The following SLC39A11 variants were observed in gnomAD, a reference collection of about 807,000 sequenced individuals.
SLC39A11 encodes the protein solute carrier family 39 member 11, also known as zinc transporter ZIP11.
SLC39A11 carries 33 observed loss-of-function variants against 36.1 expected under a neutral mutation model. That is an observed-to-expected ratio of 0.91 (90% CI 0.69 to 1.22). The LOEUF is 1.22. Ranked by LOEUF, SLC39A11 falls within the 50% of genes most tolerant of loss-of-function variation. The pLI is 0.00. For missense variants in SLC39A11, 432 were observed against 430.3 expected, an observed-to-expected ratio of 1.00 and a Z score of -0.03; for synonymous variants, 166 against 170.3, an observed-to-expected ratio of 0.97 and a Z score of 0.20.
intron 7 of SLC39A11, among the ~76,000 whole-genome samples, chr17:72,719,619 G>A (rs899753116): frequency 1.3e-5 from 2 of 152,214 alleles, no homozygotes; most frequent in Non-Finnish European, 2.9e-5. Flanking sequence ...CAGTGGGAAC[G>A]GAGAAGAGAA....
At chr17:72,990,540 T>A (rs2148286424) in intron 4 of SLC39A11, among the ~76,000 whole-genome samples, 1 of 152,190 alleles carries the variant, frequency 6.6e-6, no homozygotes, top group Non-Finnish European at 1.5e-5. Context: ...GCCTCAGCCC[T>A]CAGCCTCGCG....
At chr17:72,812,173 G>T (rs1412386974) in intron 6 of SLC39A11, among the ~76,000 whole-genome samples, 1 of 152,158 alleles carries the variant, frequency 6.6e-6, no homozygotes, top group Admixed American at 6.5e-5. Context: ...TATTATGCTT[G>T]GAGAGAAAGC....
At chr17:73,050,939 C>T (rs538937002) in intron 3 of SLC39A11, among the ~76,000 whole-genome samples, 1 of 81,228 alleles carries the variant, frequency 1.2e-5, no homozygotes, top group African/African-American at 4.3e-5. Context: ...GGAGGGATTA[C>T]AGGGCTTGTC....
intron 6 of SLC39A11, among the ~76,000 whole-genome samples, chr17:72,773,675 ACACC>A (rs1044571882): frequency 9.4e-5 from 14 of 148,790 alleles, no homozygotes; most frequent in African/African-American, 3.1e-4. Context: ...ACACACACAC[ACACC>A]CAGTATATAA....
At chr17:72,688,980 A>T (rs2071886249) in intron 7 of SLC39A11, among the ~76,000 whole-genome samples, 1 of 152,120 alleles carries the variant, frequency 6.6e-6, no homozygotes, top group Non-Finnish European at 1.5e-5. Flanking sequence ...TCCCCAAGAC[A>T]ACTGGTGTTC....
intron 3 of SLC39A11, among the ~76,000 whole-genome samples, chr17:73,054,845 G>C (rs1203218536): frequency 6.6e-6 from 1 of 151,926 alleles, no homozygotes; most frequent in Admixed American, 6.6e-5. Context: ...ACAAGTGCTG[G>C]GGAGAGCTGC....
chr17:73,085,598 T>C lies in SLC39A11; in HGVS notation c.109-752A>G, dbSNP rs145275578. On this transcript the variant is annotated intron_variant, in intron 2 of 9. Transcript: ENST00000255559. ...CAGACATTGCAGTGAGCCAAGATCATGCCATTGCACTCTAGCCTAGGCAAC... is the reference window on the plus strand; with the variant it reads ...CAGACATTGCAGTGAGCCAAGATCACGCCATTGCACTCTAGCCTAGGCAAC... Among the ~76,000 whole-genome samples the C allele has an allele frequency of 1.2e-3, 165 of 139,172 alleles. 2 individuals carry two copies. The highest frequency in any genetic ancestry group is 4.3e-3 in the African/African-American group (158 of 36,894). 91.3% of individuals were successfully genotyped at this position (139,172 alleles called of 152,430 possible).
intron 7 of SLC39A11, among the ~76,000 whole-genome samples, chr17:72,733,442 T>C (rs577273502): frequency 6.6e-6 from 1 of 152,082 alleles, no homozygotes; most frequent in South Asian, 2.1e-4. Flanking sequence ...AACGGGTGCA[T>C]GAATGAATGA....
At position 72,967,230 on chromosome 17, in the gene SLC39A11, C is replaced by T. The variant is rs57786794; in HGVS notation, c.307-19355G>A. Among the ~76,000 whole-genome samples, 675 of 152,294 alleles carry T rather than the reference C, an allele frequency of 4.4e-3. 11 individuals are homozygous for T. Among genetic ancestry groups the T allele is most frequent in the African/African-American group, 0.015 (640 of 41,556 alleles). ...AATCATCCCACAACCATCCATCCCC[C>T]GCTCTGTAGAAAAATTGTCTTCCAT... is the stretch of plus-strand genomic sequence containing the variant. On this transcript the variant is annotated intron_variant, in intron 4 of 9. Coordinates refer to ENST00000255559, the MANE Select transcript of SLC39A11 (RefSeq NM_139177.4).
At chr17:72,686,620 G>A (rs974396055) in intron 7 of SLC39A11, among the ~76,000 whole-genome samples, 9 of 152,192 alleles carry the variant, frequency 5.9e-5, no homozygotes, top group Admixed American at 1.3e-4. Context: ...GCCTCTGCCC[G>A]TCTCTTCCCC....
chr17:72,755,122 G>T (rs1041516375), intron 6 of SLC39A11, among the ~76,000 whole-genome samples: 2 of 152,216 alleles, frequency 1.3e-5, no homozygotes, highest in African/African-American at 4.8e-5. Context: ...CCATGAACAG[G>T]GATGGTGAGG....
At chr17:72,957,706 C>T (rs1045133236) in intron 4 of SLC39A11, among the ~76,000 whole-genome samples, 1 of 152,116 alleles carries the variant, frequency 6.6e-6, no homozygotes, top group African/African-American at 2.4e-5. Flanking sequence ...GTAGTCCCAG[C>T]TACTGGGGAG....
intron 6 of SLC39A11, among the ~76,000 whole-genome samples, chr17:72,788,162 G>A (rs1221549718): frequency 6.6e-6 from 1 of 152,072 alleles, no homozygotes; most frequent in Non-Finnish European, 1.5e-5. Flanking sequence ...TGGGTCCTAG[G>A]CCAATCCTTT....
intron 3 of SLC39A11, among the ~76,000 whole-genome samples, chr17:73,060,210 C>CAAAAAAAAAAAAAAAAAAAAAAAAA (rs33931672): frequency 1.6e-4 from 11 of 70,342 alleles, no homozygotes; most frequent in East Asian, 4.8e-4. Flanking sequence ...AACTCCATCT[C>CAAAAAAAAAAAAAAAAAAAAAAAAA]AAAAAAAAAA....
chr17:72,937,119 T>C (rs1346192401), intron 5 of SLC39A11, among the ~76,000 whole-genome samples: 1 of 152,220 alleles, frequency 6.6e-6, no homozygotes, highest in African/African-American at 2.4e-5. Context: ...TTATTTACTA[T>C]ATTTGCTCAT....
intron 4 of SLC39A11, among the ~76,000 whole-genome samples, chr17:73,015,738 A>T (rs1223979968): frequency 6.6e-6 from 1 of 152,002 alleles, no homozygotes; most frequent in East Asian, 1.9e-4. Flanking sequence ...GCGCACCACC[A>T]CGCCCAGCTA....
At chr17:72,831,002 A>G (rs1291331613) in intron 6 of SLC39A11, among the ~76,000 whole-genome samples, 1 of 152,192 alleles carries the variant, frequency 6.6e-6, no homozygotes, top group Non-Finnish European at 1.5e-5. Flanking sequence ...ACTGAGACTT[A>G]GTGATTTTTG....
intron 4 of SLC39A11, among the ~76,000 whole-genome samples, chr17:72,993,210 C>T (rs111677676): frequency 1.4e-3 from 215 of 152,114 alleles, no homozygotes; most frequent in African/African-American, 4.8e-3. Context: ...GAATTTCCTA[C>T]AAGGGTAGGA....
At chr17:72,902,972 T>G (rs552422780) in intron 5 of SLC39A11, among the ~76,000 whole-genome samples, 1 of 151,994 alleles carries the variant, frequency 6.6e-6, no homozygotes, top group East Asian at 1.9e-4. Flanking sequence ...CATTAAGAAA[T>G]TCCATTGAAA....
Sources: allele counts gnomAD v4.1 joint callset (sites outside exome capture counted in the v4.1 genomes callset), GRCh38; gene constraint gnomAD v4.1.1; transcripts MANE v1.5; gene names NCBI Gene and HGNC (gene_info 2026-07-23, HGNC 2026-07-21).